FAM227B: variants seen among roughly 807,000 people sequenced by gnomAD.
FAM227B encodes family with sequence similarity 227 member B.
A neutral mutation model predicts 73.8 loss-of-function variants in FAM227B; 88 were observed. The observed-to-expected ratio is 1.19, with a 90% CI of 1.00 to 1.42. The LOEUF is 1.42. FAM227B is among the 40% of genes most tolerant of loss of function. The pLI, the probability that FAM227B is intolerant of heterozygous loss-of-function variation, is 0.00. For synonymous variants in FAM227B, 210 were observed against 190.5 expected, an observed-to-expected ratio of 1.10 and a Z score of -0.84; for missense variants, 632 against 590.9, an observed-to-expected ratio of 1.07 and a Z score of -0.72.
chr15:49,370,373 T>C (rs1299591510), intron 12 of FAM227B, among the ~76,000 whole-genome samples: 1 of 152,242 alleles, frequency 6.6e-6, no homozygotes, highest in Non-Finnish European at 1.5e-5. Flanking sequence ...AGACCAGATA[T>C]ACAATTTTTA....
chr15:49,333,153 TTAAG>T (rs1276093454), intron 14 of FAM227B, among the ~76,000 whole-genome samples: 5 of 152,108 alleles, frequency 3.3e-5, no homozygotes, highest in South Asian at 2.1e-4. Flanking sequence ...TTAAAAAAAA[TTAAG>T]TTTTATTGAG....
rs113673163 is a variant in FAM227B at position 49,465,135 on chromosome 15, T to A, written c.1012+43076A>T. Reference sequence around the variant, plus strand: ...AGAATGTCCTTCTTAATTTTATTTTTATTTTATTTTTTGAGATGGAGTCTC... The same window carrying A: ...AGAATGTCCTTCTTAATTTTATTTTAATTTTATTTTTTGAGATGGAGTCTC... On this transcript the variant is annotated intron_variant, in intron 11 of 15. Coordinates refer to ENST00000299338, the MANE Select transcript of FAM227B (RefSeq NM_152647.3). Among the ~76,000 whole-genome samples, 464 of 152,172 alleles carry A rather than the reference T, an allele frequency of 3.0e-3. 6 individuals carry two copies. The highest frequency in any genetic ancestry group is 0.011 in the African/African-American group (437 of 41,536).
At chr15:49,381,642 T>G (rs933898594) in intron 11 of FAM227B, among the ~76,000 whole-genome samples, 4 of 152,208 alleles carry the variant, frequency 2.6e-5, no homozygotes, top group African/African-American at 9.6e-5. Flanking sequence ...CCATCACAAC[T>G]GTTATTTAAC....
At chr15:49,354,138 T>C (rs1330525601) in intron 13 of FAM227B, 1 of 152,262 alleles carries the variant, frequency 6.6e-6, no homozygotes, top group Admixed American at 6.5e-5. Context: ...ATTTTTATGC[T>C]AGGATAAATG....
rs185314960 is a variant in FAM227B at position 49,588,999 on chromosome 15, T to C, written c.337+777A>G. Among the ~76,000 whole-genome samples, 377 of 152,096 alleles carry C rather than the reference T, an allele frequency of 2.5e-3. 4 individuals are homozygous for C. Among genetic ancestry groups the C allele is most frequent in the African/African-American group, 8.3e-3 (346 of 41,522 alleles). On this transcript the variant is annotated intron_variant, in intron 4 of 15. Coordinates refer to ENST00000299338, the MANE Select transcript of FAM227B (RefSeq NM_152647.3). ...CAATTAGTATCATTTCCAAGACTTA[T>C]ATATATGACAAATTTGCCCATTAAA...
At chr15:49,336,182 G>A (rs1437701162) in intron 13 of FAM227B, among the ~76,000 whole-genome samples, 1 of 152,230 alleles carries the variant, frequency 6.6e-6, no homozygotes, top group Non-Finnish European at 1.5e-5. Flanking sequence ...GGCAGCATGC[G>A]TGGCTGCCTC....
At chr15:49,610,012 T>A (rs1436719613) in intron 3 of FAM227B, among the ~76,000 whole-genome samples, 2 of 151,958 alleles carry the variant, frequency 1.3e-5, no homozygotes, top group Non-Finnish European at 2.9e-5. Flanking sequence ...TAATAAGACA[T>A]GGTTTGATTT....
At chr15:49,520,095 G>A (rs2059674707) in intron 10 of FAM227B, among the ~76,000 whole-genome samples, 1 of 152,150 alleles carries the variant, frequency 6.6e-6, no homozygotes. Context: ...GATCTCTAAG[G>A]TAGGGGGAAA....
chr15:49,551,184 A>C (rs889903908), intron 9 of FAM227B, among the ~76,000 whole-genome samples: 2 of 152,182 alleles, frequency 1.3e-5, no homozygotes, highest in African/African-American at 4.8e-5. Context: ...CGGCAGGCTG[A>C]GGCAGGAGAA....
chr15:49,461,512 A>G (rs1284078050), intron 11 of FAM227B, among the ~76,000 whole-genome samples: 2 of 152,198 alleles, frequency 1.3e-5, no homozygotes, highest in South Asian at 2.1e-4. Context: ...TTCATGCTCT[A>G]TACTTCTCCT....
intron 11 of FAM227B, among the ~76,000 whole-genome samples, chr15:49,500,424 G>A (rs1392647878): frequency 1.3e-5 from 2 of 152,218 alleles, no homozygotes; most frequent in Non-Finnish European, 2.9e-5. Context: ...GCACCAGTGT[G>A]CCCTAGATGT....
intron 8 of FAM227B, chr15:49,574,741 C>T (rs1311893418): frequency 5.5e-6 from 1 of 183,456 alleles, no homozygotes; most frequent in African/African-American, 2.4e-5. Context: ...GACTTAGACT[C>T]TAATTATATA....
chr15:49,547,621 G>T (rs1048398362), intron 9 of FAM227B, among the ~76,000 whole-genome samples: 1 of 152,088 alleles, frequency 6.6e-6, no homozygotes, highest in Non-Finnish European at 1.5e-5. Context: ...AAAGGCAGGG[G>T]TTGCAATCCT....
intron 13 of FAM227B, among the ~76,000 whole-genome samples, chr15:49,353,196 C>T (rs1485138777): frequency 6.6e-6 from 1 of 152,072 alleles, no homozygotes; most frequent in Non-Finnish European, 1.5e-5. Flanking sequence ...TTTATTTAGT[C>T]CAATTCATCT....
chr15:49,548,595 A>G (rs1294242995), intron 9 of FAM227B, among the ~76,000 whole-genome samples: 1 of 152,118 alleles, frequency 6.6e-6, no homozygotes, highest in Admixed American at 6.6e-5. Context: ...TTTGAGTAGA[A>G]TTGGTATTAG....
intron 11 of FAM227B, among the ~76,000 whole-genome samples, chr15:49,476,686 GATATT>G (rs2055351948): frequency 6.6e-6 from 1 of 152,116 alleles, no homozygotes; most frequent in African/African-American, 2.4e-5. Context: ...TACACTCAAT[GATATT>G]ATATTATTAA....
chr15:49,571,141 G>A (rs1057489937), intron 8 of FAM227B, among the ~76,000 whole-genome samples: 1 of 150,808 alleles, frequency 6.6e-6, no homozygotes, highest in Non-Finnish European at 1.5e-5. Context: ...GTTTTTTTGT[G>A]GAAACTTCAT....
intron 11 of FAM227B, among the ~76,000 whole-genome samples, chr15:49,399,121 AAG>A (rs1348805764): frequency 3.3e-4 from 49 of 147,840 alleles, no homozygotes; most frequent in Admixed American, 2.0e-4. Context: ...TAAAGAAAAA[AAG>A]AGAGAAGAAT....
chr15:49,426,136 C>T (rs866987090), intron 11 of FAM227B, among the ~76,000 whole-genome samples: 22 of 151,800 alleles, frequency 1.4e-4, no homozygotes, highest in Middle Eastern at 3.4e-3. Flanking sequence ...TCCCTGTCTA[C>T]GAATGATCTG....
Sources: gnomAD v4.1 joint callset for allele counts (sites outside exome capture counted in the v4.1 genomes callset) on GRCh38, gnomAD v4.1.1 for gene constraint, MANE v1.5 for transcripts, NCBI Gene and HGNC (gene_info 2026-07-23, HGNC 2026-07-21) for gene names.